The following ZDHHC18 variants were observed in gnomAD, a reference collection of about 807,000 sequenced individuals.
ZDHHC18 encodes the protein zDHHC palmitoyltransferase 18.
Under a neutral mutation model 37.5 loss-of-function variants are expected in ZDHHC18, and 23 were observed. That is an observed-to-expected ratio of 0.61 (90% confidence interval 0.44 to 0.87). The LOEUF (loss-of-function observed/expected upper bound fraction) is 0.87. ZDHHC18 is among the 40% of genes least tolerant of loss of function. The probability of loss-of-function intolerance (pLI) is 0.00; values close to 1 mark genes in which losing one functional copy is unlikely to be tolerated. For missense variants in ZDHHC18, 406 were observed against 525.6 expected (o/e 0.77, Z 2.22); for synonymous variants, 185 against 218.7 (o/e 0.85, Z 1.36).
At chr1:26,832,073 GTGAGTGAATGAA>G (rs2081590702) in intron 1 of ZDHHC18, 1 of 176,534 alleles carries the variant, frequency 5.7e-6, no homozygotes, top group African/African-American at 2.4e-5. Flanking sequence ...TGTGGACTGA[GTGAGTGAATGAA>G]TGAGTGAATG....
At position 26,850,540 on chromosome 1, in the gene ZDHHC18, C is replaced by A. The variant is rs763796637; in HGVS notation, c.785-18C>A. On this transcript the variant is annotated intron_variant, in intron 4 of 7. Transcript: ENST00000374142. This position sits in a 1 kb window ranked among gnomAD's most constrained non-coding sequence, Gnocchi z 6.1. ...ACTGTCCCTCTGAGCTTGTCCTCTC[C>A]TGTTTCTTTCTCCCCAGGCGCTCAG... The A allele has an allele frequency of 1.2e-6, 2 of 1,614,222 alleles. No individual in the cohort carries two copies. The highest frequency in any genetic ancestry group is 8.5e-7 in the Non-Finnish European group (1 of 1,180,040).
chr1:26,853,132 G>A, intron 7 of ZDHHC18: 1 of 361,490 alleles, frequency 2.8e-6, no homozygotes, highest in Non-Finnish European at 5.1e-6. Context: ...TAGCCACCAT[G>A]ACTGTTTCAG....
At chr1:26,849,838 G>C (rs192856265) in intron 3 of ZDHHC18, among the ~76,000 whole-genome samples, 2 of 152,208 alleles carry the variant, frequency 1.3e-5, no homozygotes, top group African/African-American at 4.8e-5. Flanking sequence ...TCTTTGTGCC[G>C]GCACTGCTCT....
At chr1:26,837,487 A>G (rs1245093419) in intron 2 of ZDHHC18, among the ~76,000 whole-genome samples, 1 of 147,712 alleles carries the variant, frequency 6.8e-6, no homozygotes, top group South Asian at 2.1e-4. Context: ...TTATTTATTT[A>G]TTTATTTTTT....
chr1:26,836,362 AGGCCCTGACTG>A (rs2124252129), intron 2 of ZDHHC18, among the ~76,000 whole-genome samples: 1 of 152,130 alleles, frequency 6.6e-6, no homozygotes, highest in East Asian at 1.9e-4. Flanking sequence ...TCTGCAGAAC[AGGCCCTGACTG>A]GGCCTTTCCC....
chr1:26,851,330 G>T, intron 6 of ZDHHC18, 99 bp downstream of exon 6: 1 of 1,145,364 alleles, frequency 8.7e-7, no homozygotes, highest in Non-Finnish European at 1.3e-6. Flanking sequence ...CCTGACTCAC[G>T]GACTGCTGGG....
chr1:26,827,006 C>A lies in ZDHHC18; in HGVS notation c.202C>A (p.Arg68Ser). The A allele has an allele frequency of 8.1e-7, 1 of 1,240,698 alleles. No homozygotes were observed. Among genetic ancestry groups the A allele is most frequent in the East Asian group, 3.1e-5 (1 of 31,750 alleles). The allele number at this position is 1,240,698 out of a possible 1,614,324, so 76.9% of individuals were successfully genotyped here. A position where few individuals can be genotyped will look rare whatever the true frequency, so the allele number is the denominator to read the frequency against. The change falls in exon 1 of 8, where the codon CGC becomes AGC. Residue 68 changes from arginine to serine, a missense_variant. Transcript: ENST00000374142. Reference protein sequence around the residue: ...GSGSLGRRPRRKWEVFPGRNR... With the variant: ...GSGSLGRRPRSKWEVFPGRNR... The stretch of plus-strand genomic sequence containing the variant: ...CGGGAGCCTCGGCCGCCGCCCACGG[C>A]GCAAGTGGGAGGTGTTCCCGGGTCG...
intron 1 of ZDHHC18, among the ~76,000 whole-genome samples, chr1:26,830,118 A>G (rs1448566419): frequency 1.3e-5 from 2 of 152,216 alleles, no homozygotes; most frequent in Non-Finnish European, 2.9e-5. Context: ...AGAGCATCTG[A>G]TGACGGAGAC....
intron 3 of ZDHHC18, among the ~76,000 whole-genome samples, chr1:26,848,978 T>G (rs1244932490): frequency 6.6e-6 from 1 of 152,082 alleles, no homozygotes; most frequent in African/African-American, 2.4e-5. Context: ...GATTGGTGGA[T>G]TCCTTCCCCC....
Position 26,856,617 on chromosome 1 carries a change from C to CT in ZDHHC18, c.*2775dup. 1 of 159,568 alleles carries CT rather than the reference C, an allele frequency of 6.3e-6. No homozygotes were observed. Among genetic ancestry groups the CT allele is most frequent in the South Asian group, 1.6e-4 (1 of 6,268 alleles). 9.9% of individuals were successfully genotyped at this position (159,568 alleles called of 1,614,324 possible). ...CCTGGTATGCAGGGGCCACCGGTCACTAACACTCTTATGTCCTGGCTTTCT... is the reference window on the plus strand; with the variant it reads ...CCTGGTATGCAGGGGCCACCGGTCACTTAACACTCTTATGTCCTGGCTTTCT... On this transcript the variant is annotated 3_prime_UTR_variant, in exon 8 of 8. Coordinates refer to ENST00000374142, the MANE Select transcript of ZDHHC18 (RefSeq NM_032283.3). The surrounding 1 kb of genome is among the most constrained non-coding windows in gnomAD (Gnocchi z 5.2).
chr1:26,851,760 CT>C (rs1314929799), intron 6 of ZDHHC18, among the ~76,000 whole-genome samples: 1 of 152,218 alleles, frequency 6.6e-6, no homozygotes, highest in East Asian at 1.9e-4. Flanking sequence ...CGTGACTATT[CT>C]CAAGGTGGCA....
At chr1:26,844,913 G>GTT (rs969579363) in intron 2 of ZDHHC18, among the ~76,000 whole-genome samples, 1 of 140,026 alleles carries the variant, frequency 7.1e-6, no homozygotes, top group Admixed American at 7.2e-5. Context: ...TCTTTACATG[G>GTT]TTTTTTTTTT....
intron 2 of ZDHHC18, among the ~76,000 whole-genome samples, chr1:26,840,893 G>A (rs1015962049): frequency 6.9e-6 from 1 of 145,944 alleles, no homozygotes; most frequent in Non-Finnish European, 1.5e-5. Flanking sequence ...TATCTCTCTT[G>A]TTAGGTTGTT....
intron 2 of ZDHHC18, among the ~76,000 whole-genome samples, chr1:26,847,487 C>T (rs1364796112): frequency 4.2e-4 from 64 of 152,224 alleles, no homozygotes; most frequent in Admixed American, 4.2e-3. Context: ...GCTGGGACTA[C>T]AGGCATGAGC....
chr1:26,851,836 G>T (rs1322081485), intron 6 of ZDHHC18, among the ~76,000 whole-genome samples: 1 of 152,194 alleles, frequency 6.6e-6, no homozygotes, highest in African/African-American at 2.4e-5. Context: ...AGGCCAGTGG[G>T]CTCCATTGAC....
rs2081686269 is a variant in ZDHHC18, at chr1:26,848,715, C to A, written c.604C>A (p.Pro202Thr). Reference protein sequence around the residue: ...KYCFTCKMFRPPRTSHCSVCD... With the variant: ...KYCFTCKMFRTPRTSHCSVCD... ...CTGCTTCACCTGCAAGATGTTCCGGCCACCCCGAACCTCACACTGCAGTGT... is the reference window on the plus strand; with the variant it reads ...CTGCTTCACCTGCAAGATGTTCCGGACACCCCGAACCTCACACTGCAGTGT... The change falls in exon 3 of 8, where the codon CCA becomes ACA. Residue 202 changes from proline (P) to threonine (T), a missense_variant. Coordinates refer to ENST00000374142, the MANE Select transcript of ZDHHC18 (RefSeq NM_032283.3). 6.2e-7 allele frequency: 1 copy of A among 1,613,978 alleles called. No individual in the cohort carries two copies.
intron 2 of ZDHHC18, among the ~76,000 whole-genome samples, chr1:26,846,111 T>A (rs2081662344): frequency 7.4e-6 from 1 of 135,008 alleles, no homozygotes; most frequent in Non-Finnish European, 1.7e-5. Flanking sequence ...TTTGTGTGTG[T>A]GTATATATAT....
Position 26,857,162 on chromosome 1 carries a change from C to G in ZDHHC18, c.*3319C>G, listed in dbSNP as rs2081738813. The G allele has an allele frequency of 6.6e-6, 1 of 152,456 alleles. No individual in the cohort carries two copies. The highest frequency in any genetic ancestry group is 1.5e-5 in the Non-Finnish European group (1 of 68,200). 9.4% of individuals were successfully genotyped at this position (152,456 alleles called of 1,614,324 possible). ...TCCCTCTCTCCTCCACTGACTTCCC[C>G]TTCCCGGATTTGTGAGGTGTCAAGA... On this transcript the variant is annotated 3_prime_UTR_variant, in exon 8 of 8. Transcript: ENST00000374142.
At chr1:26,832,191 G>A (rs1222412105) in intron 1 of ZDHHC18, 2 of 480,336 alleles carry the variant, frequency 4.2e-6, no homozygotes, top group Non-Finnish European at 7.5e-6. Context: ...GGTTAGGAGT[G>A]CTGGGATCTA....
Sources: allele counts gnomAD v4.1 joint callset (sites outside exome capture counted in the v4.1 genomes callset), GRCh38; gene constraint gnomAD v4.1.1; non-coding constraint Gnocchi (gnomAD v3.1); transcripts MANE v1.5; gene names NCBI Gene and HGNC (gene_info 2026-07-23, HGNC 2026-07-21).